Variants in TUBD1 observed in about 807,000 individuals in gnomAD.
The protein encoded by TUBD1 is tubulin delta 1.
A neutral mutation model predicts 51.2 loss-of-function variants in TUBD1; 38 were observed. That is an observed-to-expected ratio of 0.74 (90% CI 0.57 to 0.97). The LOEUF (loss-of-function observed/expected upper bound fraction) is 0.97. Ranked by LOEUF, TUBD1 falls within the 50% of genes least tolerant of loss-of-function variation. The pLI is 0.00. For synonymous variants in TUBD1, 169 were observed against 178.2 expected (o/e 0.95, Z 0.41); for missense variants, 489 against 538.4 (o/e 0.91, Z 0.91).
At chr17:59,864,706 C>T (rs567028055) in intron 7 of TUBD1, among the ~76,000 whole-genome samples, 8 of 152,104 alleles carry the variant, frequency 5.3e-5, no homozygotes, top group Admixed American at 1.3e-4. Context: ...CTATGTTGCC[C>T]GAGCTGGTCT....
chr17:59,890,734 G>A, intron 2 of TUBD1, 97 bp downstream of exon 2: 4 of 996,422 alleles, frequency 4.0e-6, no homozygotes, highest in Non-Finnish European at 5.8e-6. Flanking sequence ...TCCCTAGTGA[G>A]ATGGGAAGGA....
chr17:59,874,703 C>A lies in TUBD1; in HGVS notation c.770G>T (p.Gly257Val). The A allele has an allele frequency of 6.3e-7, 1 of 1,599,570 alleles. No homozygotes were observed. Among genetic ancestry groups the A allele is most frequent in the Non-Finnish European group, 8.5e-7 (1 of 1,176,704 alleles). Residue 257 changes from glycine to valine, a missense_variant and splice_region_variant, in exon 6 of 9, where the codon GGA becomes GTA. Gly to Val is a moderately radical substitution (Grantham distance 109, BLOSUM62 -3). Coordinates refer to ENST00000325752, the MANE Select transcript of TUBD1 (RefSeq NM_016261.4). ...SSFHYRRNPLGDLMEHLVPHP... is the reference protein window; with the variant it reads ...SSFHYRRNPLVDLMEHLVPHP... Reference sequence around the variant, plus strand: ...GGGAACTAAATGCTCCATTAAGTCTCCTGTAAAGAAAAAAAAATCTGAACT... The same window carrying A: ...GGGAACTAAATGCTCCATTAAGTCTACTGTAAAGAAAAAAAAATCTGAACT...
intron 2 of TUBD1, among the ~76,000 whole-genome samples, chr17:59,889,668 CAAAAAAA>C (rs1195587619): frequency 1.7e-3 from 91 of 54,192 alleles, no homozygotes; most frequent in African/African-American, 6.5e-3. Context: ...GACTCTGTCT[CAAAAAAA>C]AAAAAAAAAA....
intron 6 of TUBD1, among the ~76,000 whole-genome samples, chr17:59,872,716 GTGTGTGTGTGT>G (rs2040044650): frequency 6.7e-6 from 1 of 148,974 alleles, no homozygotes; most frequent in Non-Finnish European, 1.5e-5. Flanking sequence ...GTGTGTGTGT[GTGTGTGTGTGT>G]GTCTGTGTGT....
Position 59,889,875 on chromosome 17 carries a change from CAGG to C in TUBD1, c.172+953_172+955del. Among the ~76,000 whole-genome samples, 2 of 147,542 alleles carry C rather than the reference CAGG, an allele frequency of 1.4e-5. 1 individual carries two copies. The highest frequency in any genetic ancestry group is 4.0e-4 in the East Asian group (2 of 5,006). On this transcript the variant is annotated intron_variant, in intron 2 of 8. Coordinates refer to ENST00000325752, the MANE Select transcript of TUBD1 (RefSeq NM_016261.4). ...ATTCCAGCTACTTGGGAGGCTGAGG[CAGG>C]AGAATTGCTTGAACACGGGAGGTGG...
At chr17:59,882,524 TG>T (rs2040535039) in intron 3 of TUBD1, among the ~76,000 whole-genome samples, 2 of 151,978 alleles carry the variant, frequency 1.3e-5, no homozygotes, top group Non-Finnish European at 2.9e-5. Flanking sequence ...TGACCTCAAA[TG>T]ATCTGCCCAC....
intron 6 of TUBD1, among the ~76,000 whole-genome samples, chr17:59,867,896 C>T (rs1453358986): frequency 6.6e-6 from 1 of 151,834 alleles, no homozygotes; most frequent in Non-Finnish European, 1.5e-5. Flanking sequence ...GGGCAGTATG[C>T]TCTCACACTG....
Position 59,886,112 on chromosome 17 carries a change from T to C in TUBD1, c.291A>G (p.Lys97=), listed in dbSNP as rs753010573. 10 of 1,613,932 alleles carry C rather than the reference T, an allele frequency of 6.2e-6. No homozygotes were observed. In the South Asian group the frequency reaches 1.1e-4, roughly 18 times the overall value. Residue 97 remains lysine, a synonymous_variant, in exon 3 of 9, where the codon AAA becomes AAG. Transcript: ENST00000325752. ...ATGCCCAGTTGTTTCCAGAACCTTG[T>C]TTTTGACAGAAGCATGCATGTTGAC... ...KYGQHACFCQ[K]QGSGNNWAYG... is the part of the protein sequence containing the mutation.
chr17:59,877,842 A>G (rs186130649), intron 5 of TUBD1, among the ~76,000 whole-genome samples: 1 of 151,998 alleles, frequency 6.6e-6, no homozygotes, highest in African/African-American at 2.4e-5. Flanking sequence ...TAGGTGAGTT[A>G]TATCTCAACA....
At chr17:59,861,306 C>A (rs2144404707) in intron 8 of TUBD1, among the ~76,000 whole-genome samples, 1 of 151,286 alleles carries the variant, frequency 6.6e-6, no homozygotes, top group South Asian at 2.1e-4. Context: ...TGAAGCAATT[C>A]TTGTGCCTCA....
At chr17:59,872,372 G>GGT (rs1284342829) in intron 6 of TUBD1, among the ~76,000 whole-genome samples, 10 of 152,050 alleles carry the variant, frequency 6.6e-5, no homozygotes, top group African/African-American at 2.4e-4. Flanking sequence ...TGAGATTACA[G>GGT]GTGTGAGCCA....
chr17:59,884,635 A>G (rs2040635711), intron 3 of TUBD1: 1 of 152,070 alleles, frequency 6.6e-6, no homozygotes, highest in African/African-American at 2.4e-5. Flanking sequence ...AAATCCCAAC[A>G]TCAGGCTGGG....
At chr17:59,881,689 T>C (rs1326747345) in intron 3 of TUBD1, among the ~76,000 whole-genome samples, 1 of 151,936 alleles carries the variant, frequency 6.6e-6, no homozygotes, top group East Asian at 1.9e-4. Flanking sequence ...CTATTTTCTT[T>C]TTCTGAGACA....
intron 5 of TUBD1, 70 bp from the exon 6 acceptor site, chr17:59,874,773 C>T (rs2040152209): frequency 1.5e-6 from 2 of 1,344,712 alleles, no homozygotes. Flanking sequence ...TATATATAAC[C>T]ATGATTTGAA....
chr17:59,885,575 G>A, intron 3 of TUBD1: 1 of 1,267,842 alleles, frequency 7.9e-7, no homozygotes, highest in Non-Finnish European at 1.1e-6. Flanking sequence ...GTGGGCTTTT[G>A]TGCCCTCTAA....
At chr17:59,873,969 C>A (rs1335470569) in intron 6 of TUBD1, among the ~76,000 whole-genome samples, 1 of 152,038 alleles carries the variant, frequency 6.6e-6, no homozygotes. Flanking sequence ...ACGGGTGGAT[C>A]ACGAGGTCAG....
chr17:59,883,325 A>T (rs539097431), intron 3 of TUBD1, among the ~76,000 whole-genome samples: 10 of 150,036 alleles, frequency 6.7e-5, no homozygotes, highest in African/African-American at 2.5e-4. Flanking sequence ...GCTGGAGTGC[A>T]ATGGTGTGAC....
chr17:59,876,251 G>A (rs1383136931), intron 5 of TUBD1, among the ~76,000 whole-genome samples: 1 of 151,660 alleles, frequency 6.6e-6, no homozygotes, highest in Non-Finnish European at 1.5e-5. Flanking sequence ...CGCAATCAAA[G>A]CTCTGCAACC....
Position 59,875,946 on chromosome 17 carries a change from C to T in TUBD1, c.770-1243G>A, listed in dbSNP as rs376637738. ...TTGAGGATAGGGAAAAATATATTAC[C>T]ATAATATGAAACAAACTTTATAACA... On this transcript the variant is annotated intron_variant, in intron 5 of 8. Coordinates refer to ENST00000325752, the MANE Select transcript of TUBD1 (RefSeq NM_016261.4). Among the ~76,000 whole-genome samples, 31 of 152,080 alleles carry T rather than the reference C, an allele frequency of 2.0e-4. 1 individual carries two copies. Among genetic ancestry groups the T allele is most frequent in the African/African-American group, 7.5e-4 (31 of 41,486 alleles).
Sources: gnomAD v4.1 joint callset for allele counts (sites outside exome capture counted in the v4.1 genomes callset) on GRCh38, gnomAD v4.1.1 for gene constraint, MANE v1.5 for transcripts, NCBI Gene and HGNC (gene_info 2026-07-23, HGNC 2026-07-21) for gene names.